The following WWOX variants were observed in gnomAD, a reference collection of about 807,000 sequenced individuals.
WWOX encodes WW domain containing oxidoreductase, also known as WW domain-containing oxidoreductase.
Under a neutral mutation model 46.2 loss-of-function variants are expected in WWOX, and 69 were observed. The observed-to-expected ratio is 1.49, with a 90% confidence interval of 1.23 to 1.82. The LOEUF is 1.82. WWOX is among the 40% of genes most tolerant of loss of function. The pLI, the probability that WWOX is intolerant of heterozygous loss-of-function variation, is 0.00. For synonymous variants in WWOX, 359 were observed against 202.6 expected (o/e 1.77, Z -6.56); for missense variants, 919 against 542.6 (o/e 1.69, Z -6.89).
chr16:78,920,008 C>T (rs1003180682), intron 8 of WWOX, among the ~76,000 whole-genome samples: 1 of 152,168 alleles, frequency 6.6e-6, no homozygotes, highest in Non-Finnish European at 1.5e-5. Flanking sequence ...GGAAGGGAAG[C>T]ACTGAGGGTC....
intron 8 of WWOX, among the ~76,000 whole-genome samples, chr16:78,775,192 C>T (rs2050159385): frequency 6.6e-6 from 1 of 152,208 alleles, no homozygotes; most frequent in South Asian, 2.1e-4. Flanking sequence ...CTCCTCTCTT[C>T]TGCCTGTTCA....
intron 8 of WWOX, among the ~76,000 whole-genome samples, chr16:78,728,979 G>A (rs2048899828): frequency 6.6e-6 from 1 of 152,078 alleles, no homozygotes; most frequent in Non-Finnish European, 1.5e-5. Context: ...GAGAAACGTT[G>A]GCTTTAGTAA....
intron 4 of WWOX, among the ~76,000 whole-genome samples, chr16:78,148,692 T>C (rs1047248285): frequency 1.3e-5 from 2 of 151,660 alleles, no homozygotes; most frequent in African/African-American, 2.4e-5. Context: ...GGTCAGGAGA[T>C]CGAGACCATC....
intron 5 of WWOX, among the ~76,000 whole-genome samples, chr16:78,339,659 G>A (rs1313297537): frequency 8.4e-6 from 1 of 119,268 alleles, no homozygotes; most frequent in African/African-American, 2.8e-5. Flanking sequence ...GTTTCAAAAT[G>A]TTTCTGTTCC....
At chr16:78,132,091 C>G (rs1242762899) in intron 4 of WWOX, among the ~76,000 whole-genome samples, 1 of 145,516 alleles carries the variant, frequency 6.9e-6, no homozygotes, top group Non-Finnish European at 1.5e-5. Flanking sequence ...GTGGTGCTAT[C>G]TTGGCTCACT....
At chr16:79,075,038 T>G (rs1048945321) in intron 8 of WWOX, among the ~76,000 whole-genome samples, 1 of 152,170 alleles carries the variant, frequency 6.6e-6, no homozygotes, top group African/African-American at 2.4e-5. Context: ...CCAGAGAAAC[T>G]CAGTATGAAA....
intron 4 of WWOX, among the ~76,000 whole-genome samples, chr16:78,129,511 C>T (rs2033504667): frequency 6.6e-6 from 1 of 152,058 alleles, no homozygotes; most frequent in South Asian, 2.1e-4. Context: ...GTTGTGTGTG[C>T]AGTCCATTGT....
At chr16:78,708,521 C>G (rs1465899634) in intron 8 of WWOX, among the ~76,000 whole-genome samples, 2 of 152,132 alleles carry the variant, frequency 1.3e-5, no homozygotes, top group Admixed American at 1.3e-4. Flanking sequence ...CTGCTGAAAG[C>G]TTTGCATACT....
At chr16:78,308,405 A>C (rs1335521597) in intron 5 of WWOX, among the ~76,000 whole-genome samples, 3 of 152,192 alleles carry the variant, frequency 2.0e-5, no homozygotes, top group African/African-American at 7.2e-5. Flanking sequence ...TTTGGAATTC[A>C]GTCACAACTG....
At chr16:79,032,055 A>G (rs1171629079) in intron 8 of WWOX, among the ~76,000 whole-genome samples, 5 of 144,730 alleles carry the variant, frequency 3.5e-5, no homozygotes, top group South Asian at 2.1e-4. Flanking sequence ...CTCCTTCTGT[A>G]TGTAATATAT....
chr16:79,017,716 T>G (rs1025347035), intron 8 of WWOX, among the ~76,000 whole-genome samples: 2 of 152,124 alleles, frequency 1.3e-5, no homozygotes, highest in Non-Finnish European at 2.9e-5. Flanking sequence ...ATTTTTTTTT[T>G]CATAAAACCA....
At chr16:79,030,297 T>A (rs2550697) in intron 8 of WWOX, among the ~76,000 whole-genome samples, 21,307 of 152,274 alleles carry the variant, frequency 0.14, 1,606 homozygotes, top group East Asian at 0.22. Context: ...TTCATTAGGG[T>A]TTCTCTCCTC....
At chr16:78,877,880 A>C (rs557894063) in intron 8 of WWOX, among the ~76,000 whole-genome samples, 1 of 152,336 alleles carries the variant, frequency 6.6e-6, no homozygotes, top group South Asian at 2.1e-4. Flanking sequence ...CCAGCAGCCC[A>C]AAAAGCTAAA....
intron 5 of WWOX, among the ~76,000 whole-genome samples, chr16:78,323,239 T>G (rs778122720): frequency 3.0e-4 from 46 of 152,096 alleles, no homozygotes; most frequent in Admixed American, 1.8e-3. Flanking sequence ...CCTGAGTAGG[T>G]GGGACTACAG....
intron 8 of WWOX, chr16:78,551,467 C>T (rs2044170443): frequency 6.6e-6 from 1 of 152,308 alleles, no homozygotes; most frequent in East Asian, 1.9e-4. Flanking sequence ...TCCCATCCTA[C>T]AATTCAAGTG....
chr16:78,764,697 T>G (rs2049886971), intron 8 of WWOX, among the ~76,000 whole-genome samples: 1 of 150,634 alleles, frequency 6.6e-6, no homozygotes, highest in African/African-American at 2.4e-5. Flanking sequence ...TTTCCTCATC[T>G]GCAAAATGGG....
chr16:78,659,761 G>A (rs1245520344), intron 8 of WWOX, among the ~76,000 whole-genome samples: 1 of 152,148 alleles, frequency 6.6e-6, no homozygotes, highest in African/African-American at 2.4e-5. Context: ...CATGAAGATA[G>A]AAAGTGTCAT....
chr16:78,280,166 T>G (rs1477217877), intron 5 of WWOX, among the ~76,000 whole-genome samples: 1 of 152,228 alleles, frequency 6.6e-6, no homozygotes, highest in Non-Finnish European at 1.5e-5. Flanking sequence ...AAATATGTTC[T>G]TCAGGTACAG....
chr16:79,030,319 C>G (rs1423554329), intron 8 of WWOX, among the ~76,000 whole-genome samples: 1 of 152,240 alleles, frequency 6.6e-6, no homozygotes, highest in African/African-American at 2.4e-5. Flanking sequence ...AGTGCGTACG[C>G]AGATCTTCTG....
Sources: allele counts gnomAD v4.1 joint callset (sites outside exome capture counted in the v4.1 genomes callset), GRCh38; gene constraint gnomAD v4.1.1; transcripts MANE v1.5; gene names NCBI Gene and HGNC (gene_info 2026-07-23, HGNC 2026-07-21).